EEFSEC: variants seen among roughly 807,000 people sequenced by gnomAD.
EEFSEC encodes the protein eukaryotic elongation factor, selenocysteine-tRNA specific.
EEFSEC carries 43 observed loss-of-function variants against 42.1 expected under a neutral mutation model. The ratio of observed to expected loss-of-function variants is 1.02; its 90% confidence interval spans 0.80 to 1.32. The LOEUF (loss-of-function observed/expected upper bound fraction) is 1.32, where lower values mean the gene tolerates loss of function less well. Ranked by LOEUF, EEFSEC falls within the 40% of genes most tolerant of loss-of-function variation. The pLI, the probability that EEFSEC is intolerant of heterozygous loss-of-function variation, is 0.00. For synonymous variants in EEFSEC, 354 were observed against 339.1 expected (o/e 1.04, Z -0.48); for missense variants, 745 against 803.6 (o/e 0.93, Z 0.88).
At chr3:128,297,702 C>T (rs2066722018) in intron 4 of EEFSEC, among the ~76,000 whole-genome samples, 1 of 152,186 alleles carries the variant, frequency 6.6e-6, no homozygotes, top group African/African-American at 2.4e-5. Flanking sequence ...AGTTGCATGC[C>T]TTGTTCCCAC....
At chr3:128,191,834 C>A (rs976771518) in intron 1 of EEFSEC, among the ~76,000 whole-genome samples, 3 of 152,066 alleles carry the variant, frequency 2.0e-5, no homozygotes, top group Non-Finnish European at 1.5e-5. Flanking sequence ...ATCGATAGAC[C>A]ACATTTTGTT....
chr3:128,324,416 G>A (rs753102244), intron 4 of EEFSEC, among the ~76,000 whole-genome samples: 1 of 152,176 alleles, frequency 6.6e-6, no homozygotes, highest in African/African-American at 2.4e-5. Context: ...CTGTCTTTCA[G>A]GACTTCCTGG....
Position 128,341,786 on chromosome 3 carries a change from A to G in EEFSEC, c.1340A>G (p.His447Arg). The change falls in exon 5 of 7, where the codon CAT (histidine) becomes CGT (arginine). Residue 447 changes from histidine to arginine, a missense_variant. Transcript: ENST00000254730. ...IHTNTCRLAF[H>R]GILLHGLEDR... ...ACCAACACGTGCCGGCTAGCCTTCCATGGCATCCTGCTCCACGGGCTAGAG... is the reference window on the plus strand; with the variant it reads ...ACCAACACGTGCCGGCTAGCCTTCCGTGGCATCCTGCTCCACGGGCTAGAG... 6.2e-7 allele frequency: 1 copy of G among 1,614,102 alleles called. No homozygotes were observed. The highest frequency in any genetic ancestry group is 8.5e-7 in the Non-Finnish European group (1 of 1,180,020).
chr3:128,173,209 G>A (rs922879339), intron 1 of EEFSEC, among the ~76,000 whole-genome samples: 3 of 152,198 alleles, frequency 2.0e-5, no homozygotes, highest in African/African-American at 2.4e-5. Context: ...TGTTTTTCCG[G>A]GAACATAGTT....
intron 1 of EEFSEC, among the ~76,000 whole-genome samples, chr3:128,235,315 C>T (rs556944817): frequency 6.6e-6 from 1 of 152,048 alleles, no homozygotes; most frequent in African/African-American, 2.4e-5. Context: ...GCAATCCCCC[C>T]ACCTCGGCCT....
intron 6 of EEFSEC, among the ~76,000 whole-genome samples, chr3:128,385,867 C>T (rs775728508): frequency 2.6e-5 from 4 of 152,208 alleles, no homozygotes; most frequent in Non-Finnish European, 4.4e-5. Flanking sequence ...CCAAGGAGGC[C>T]TGGTTCTAAG....
At chr3:128,198,144 AG>A (rs540536442) in intron 1 of EEFSEC, among the ~76,000 whole-genome samples, 18 of 152,250 alleles carry the variant, frequency 1.2e-4, no homozygotes, top group African/African-American at 4.3e-4. Context: ...AGGGTAGGCA[AG>A]GGGGGGATGA....
intron 6 of EEFSEC, among the ~76,000 whole-genome samples, chr3:128,363,975 C>G: frequency 6.6e-6 from 1 of 152,058 alleles, no homozygotes; most frequent in Non-Finnish European, 1.5e-5. Context: ...AGGAACAGAG[C>G]TTGGGGGAGG....
intron 6 of EEFSEC, among the ~76,000 whole-genome samples, chr3:128,400,035 G>T (rs111921688): frequency 6.6e-6 from 1 of 152,178 alleles, no homozygotes; most frequent in South Asian, 2.1e-4. Context: ...AGACATGACC[G>T]CCAGGCCCCA....
intron 1 of EEFSEC, among the ~76,000 whole-genome samples, chr3:128,232,824 C>T (rs535178871): frequency 1.4e-4 from 21 of 152,278 alleles, no homozygotes; most frequent in Admixed American, 5.9e-4. Flanking sequence ...GGTTGGGAGC[C>T]CTGTGGCCCT....
chr3:128,300,215 C>T (rs1205395924), intron 4 of EEFSEC, among the ~76,000 whole-genome samples: 1 of 152,226 alleles, frequency 6.6e-6, no homozygotes, highest in Non-Finnish European at 1.5e-5. Context: ...ATCTTAACTT[C>T]TTTCTTTCAT....
At chr3:128,293,628 T>G (rs2066668021) in intron 4 of EEFSEC, among the ~76,000 whole-genome samples, 1 of 133,344 alleles carries the variant, frequency 7.5e-6, no homozygotes. Context: ...GCCACTGCAC[T>G]CCAGCCTGGG....
intron 1 of EEFSEC, among the ~76,000 whole-genome samples, chr3:128,235,940 A>AT (rs2066004625): frequency 8.5e-6 from 1 of 117,040 alleles, no homozygotes; most frequent in African/African-American, 3.0e-5. Context: ...GGATGGGCAA[A>AT]GGTTTGTTTG....
chr3:128,271,475 CTT>C (rs143397163), intron 4 of EEFSEC, among the ~76,000 whole-genome samples: 1,698 of 152,294 alleles, frequency 0.011, 22 homozygotes, highest in African/African-American at 0.039. Context: ...GGTTGTCTGG[CTT>C]TTGGCAGTGG....
intron 5 of EEFSEC, among the ~76,000 whole-genome samples, chr3:128,344,894 C>A (rs1344062324): frequency 6.6e-6 from 1 of 152,192 alleles, no homozygotes; most frequent in Non-Finnish European, 1.5e-5. Context: ...TCAGGTGAAG[C>A]AAGAAGGTAG....
intron 6 of EEFSEC, among the ~76,000 whole-genome samples, chr3:128,388,111 C>A: frequency 6.6e-6 from 1 of 152,258 alleles, no homozygotes; most frequent in East Asian, 1.9e-4. Flanking sequence ...AGTGGCAGAA[C>A]CACGACTTGA....
chr3:128,358,715 G>A (rs12632366), intron 6 of EEFSEC, among the ~76,000 whole-genome samples: 52,184 of 152,184 alleles, frequency 0.34, 10,952 homozygotes, highest in Non-Finnish European at 0.46. Context: ...TTGGAGAAGA[G>A]CAGGTGAGGG....
chr3:128,252,502 A>C (rs1345226252), intron 2 of EEFSEC, among the ~76,000 whole-genome samples: 1 of 152,164 alleles, frequency 6.6e-6, no homozygotes, highest in African/African-American at 2.4e-5. Flanking sequence ...TTGGCACTGT[A>C]CTAGGGGTTT....
chr3:128,414,957 G>A, the EEFSEC span, among the ~76,000 whole-genome samples: 2 of 152,182 alleles, frequency 1.3e-5, no homozygotes, highest in Non-Finnish European at 2.9e-5. Context: ...CTGGATGATC[G>A]AGGGGAGGCC....
Sources: gnomAD v4.1 joint callset for allele counts (sites outside exome capture counted in the v4.1 genomes callset) on GRCh38, gnomAD v4.1.1 for gene constraint, MANE v1.5 for transcripts, NCBI Gene and HGNC (gene_info 2026-07-23, HGNC 2026-07-21) for gene names.